Variants in EHMT1 observed in about 807,000 individuals in gnomAD.
EHMT1 encodes histone-lysine N-methyltransferase EHMT1.
EHMT1 carries 15 observed loss-of-function variants against 147.2 expected under a neutral mutation model. The ratio of observed to expected loss-of-function variants is 0.10; its 90% CI spans 0.07 to 0.16. The LOEUF (loss-of-function observed/expected upper bound fraction) is 0.16, where lower values mean the gene tolerates loss of function less well. Among genes scored for constraint, EHMT1 ranks in the 10% least tolerant of loss-of-function variants. EHMT1 has a pLI of 1.00. For missense variants in EHMT1, 1,587 were observed against 1,772.4 expected (o/e 0.90, Z 1.88); for synonymous variants, 795 against 709.6 (o/e 1.12, Z -1.91).
intron 1 of EHMT1, among the ~76,000 whole-genome samples, chr9:137,651,800 G>GAA (rs1164592692): frequency 4.0e-5 from 6 of 150,644 alleles, no homozygotes; most frequent in African/African-American, 1.5e-4. Context: ...CTCAAGAAAA[G>GAA]AAAAAAAAAG....
At position 137,735,664 on chromosome 9, in the gene EHMT1, A is replaced by G. The variant is rs558472758; in HGVS notation, c.823+7135A>G. On this transcript the variant is annotated intron_variant, in intron 4 of 26. Transcript: ENST00000460843. The stretch of plus-strand genomic sequence containing the variant: ...AGCTCATGTTGAAATGAGATCCCCA[A>G]TATGGCAGTGTTGTGAGGTGGGGCC... 7.1e-4 allele frequency among the ~76,000 whole-genome samples: 108 copies of G among 152,312 alleles called. 1 individual carries two copies. Among genetic ancestry groups the G allele is most frequent in the African/African-American group, 2.4e-3 (99 of 41,560 alleles).
At chr9:137,638,019 G>A (rs1017689057) in intron 1 of EHMT1, 3 of 151,732 alleles carry the variant, frequency 2.0e-5, no homozygotes, top group Non-Finnish European at 4.4e-5. Flanking sequence ...CCCCTTTGAC[G>A]CTAATAAATT....
At chr9:137,663,594 A>G (rs1035335366) in intron 1 of EHMT1, among the ~76,000 whole-genome samples, 4 of 149,098 alleles carry the variant, frequency 2.7e-5, no homozygotes, top group African/African-American at 4.9e-5. Flanking sequence ...ATGTCACACT[A>G]TTAATAATTT....
intron 4 of EHMT1, among the ~76,000 whole-genome samples, chr9:137,741,098 TC>T (rs1324434060): frequency 6.6e-6 from 1 of 151,938 alleles, no homozygotes. Context: ...TGCCTCAGCC[TC>T]CCGAGTAGCT....
At chr9:137,748,654 G>A (rs1948742273) in intron 6 of EHMT1, among the ~76,000 whole-genome samples, 1 of 152,218 alleles carries the variant, frequency 6.6e-6, no homozygotes, top group African/African-American at 2.4e-5. Flanking sequence ...CGAGCAGATA[G>A]TGGCATTACG....
At chr9:137,717,424 G>A (rs72502734) in intron 3 of EHMT1, among the ~76,000 whole-genome samples, 23 of 151,902 alleles carry the variant, frequency 1.5e-4, no homozygotes, top group South Asian at 2.1e-4. Flanking sequence ...GCAGCGTGGC[G>A]AAACTCAAAT....
intron 1 of EHMT1, among the ~76,000 whole-genome samples, chr9:137,645,791 A>G (rs1375983285): frequency 2.0e-5 from 3 of 152,076 alleles, no homozygotes; most frequent in Admixed American, 6.6e-5. Context: ...CCCTTGAAAC[A>G]TGGCCATATC....
chr9:137,627,766 T>C (rs1417379716), intron 1 of EHMT1, among the ~76,000 whole-genome samples: 1 of 151,082 alleles, frequency 6.6e-6, no homozygotes, highest in African/African-American at 2.4e-5. Flanking sequence ...AGTGGTGTGA[T>C]CTCGGCTCAC....
At chr9:137,718,044 A>G (rs1036578035) in intron 3 of EHMT1, among the ~76,000 whole-genome samples, 7 of 148,052 alleles carry the variant, frequency 4.7e-5, no homozygotes, top group African/African-American at 1.8e-4. Flanking sequence ...TTTCACACGC[A>G]GGGTGCGCCC....
intron 23 of EHMT1, chr9:137,816,777 T>G (rs998795520): frequency 2.4e-5 from 4 of 166,824 alleles, no homozygotes; most frequent in Non-Finnish European, 5.3e-5. Context: ...AAAGGCAGTC[T>G]CTGTCCTTGG....
rs1485446290 is a variant in EHMT1 at position 137,813,356 on chromosome 9, AC to A, written c.3036-28del. 1 of 1,601,996 alleles carries A rather than the reference AC, an allele frequency of 6.2e-7. No individual in the cohort carries two copies. The highest frequency in any genetic ancestry group is 1.7e-5 in the Admixed American group (1 of 58,912). ...ACCCCCTGGGCAGAGCACGTCAGCC[AC>A]CAGGTGACACCTGTCCTTTCCATGG... On this transcript the variant is annotated intron_variant, in intron 20 of 26. Transcript: ENST00000460843. The surrounding 1 kb of genome is among the most constrained non-coding windows in gnomAD (Gnocchi z 4.9).
chr9:137,835,314 G>A lies in EHMT1; in HGVS notation c.*361G>A, dbSNP rs917208846. Reference sequence around the variant, plus strand: ...ACCTCCGAGGTCCCCGCTGCACCACGGGGTTGCTCTGTTCTCCTGTCCGGC... The same window carrying A: ...ACCTCCGAGGTCCCCGCTGCACCACAGGGTTGCTCTGTTCTCCTGTCCGGC... On this transcript the variant is annotated 3_prime_UTR_variant, in exon 27 of 27. Transcript: ENST00000460843. The A allele has an allele frequency of 1.6e-5, 3 of 191,226 alleles. No homozygotes were observed. Among genetic ancestry groups the A allele is most frequent in the African/African-American group, 7.1e-5 (3 of 42,364 alleles). 11.8% of individuals were successfully genotyped at this position (191,226 alleles called of 1,614,324 possible). A position where few individuals can be genotyped will look rare whatever the true frequency, so the allele number is the denominator to read the frequency against.
At chr9:137,712,606 C>G (rs1057207092) in intron 2 of EHMT1, among the ~76,000 whole-genome samples, 4 of 152,152 alleles carry the variant, frequency 2.6e-5, no homozygotes, top group African/African-American at 9.7e-5. Context: ...TATCTCTTCT[C>G]CTGTGATTTC....
At chr9:137,721,346 A>G (rs1365469068) in intron 3 of EHMT1, among the ~76,000 whole-genome samples, 95 of 166 alleles carry the variant, frequency 0.57, 17 homozygotes, top group Non-Finnish European at 1. Flanking sequence ...TCTCACACTC[A>G]CCCCCTCCCC....
intron 1 of EHMT1, among the ~76,000 whole-genome samples, chr9:137,687,836 A>G (rs1942591652): frequency 6.6e-6 from 1 of 152,238 alleles, no homozygotes; most frequent in South Asian, 2.1e-4. Context: ...AGTTTGTTAT[A>G]ATAGCCTGAA....
In EHMT1 at chr9:137,776,861, C is replaced by G. The variant is rs767198742; in HGVS notation, c.2018+17C>G. On this transcript the variant is annotated intron_variant, in intron 12 of 26. Coordinates refer to ENST00000460843, the MANE Select transcript of EHMT1 (RefSeq NM_024757.5). This position sits in a 1 kb window ranked among gnomAD's most constrained non-coding sequence, Gnocchi z 4.4. Reference sequence around the variant, plus strand: ...AACGGGCAGGTACCTGGCACAGGCTCTGGCTGGGCTCTCCAGTCGTCCACC... The same window carrying G: ...AACGGGCAGGTACCTGGCACAGGCTGTGGCTGGGCTCTCCAGTCGTCCACC... 18 of 1,611,904 alleles carry G rather than the reference C, an allele frequency of 1.1e-5. No individual in the cohort carries two copies. The highest frequency in any genetic ancestry group is 1.7e-6 in the Non-Finnish European group (2 of 1,178,824).
intron 1 of EHMT1, among the ~76,000 whole-genome samples, chr9:137,663,988 T>G (rs1468818695): frequency 6.6e-6 from 1 of 152,228 alleles, no homozygotes; most frequent in Admixed American, 6.5e-5. Context: ...CTGCAAAAAT[T>G]TATCTTACAG....
At chr9:137,788,145 G>A in intron 15 of EHMT1, 1 of 1,011,474 alleles carries the variant, frequency 9.9e-7, no homozygotes, top group Admixed American at 2.9e-5. Context: ...GGGTGGGGTG[G>A]TCACTGCCTT....
intron 3 of EHMT1, among the ~76,000 whole-genome samples, chr9:137,717,808 G>C (rs997043559): frequency 6.6e-6 from 1 of 152,184 alleles, no homozygotes; most frequent in Non-Finnish European, 1.5e-5. Context: ...ACTCCAGCTA[G>C]GGAAGACTCA....
Sources: allele counts gnomAD v4.1 joint callset (sites outside exome capture counted in the v4.1 genomes callset), GRCh38; gene constraint gnomAD v4.1.1; non-coding constraint Gnocchi (gnomAD v3.1); transcripts MANE v1.5; gene names NCBI Gene and HGNC (gene_info 2026-07-23, HGNC 2026-07-21).